CCNY: variants seen among roughly 807,000 people sequenced by gnomAD.
CCNY encodes the protein cyclin Y, also known as cyclin-Y.
Under a neutral mutation model 42.8 loss-of-function variants are expected in CCNY, and 19 were observed. That is an observed-to-expected ratio of 0.44 (90% CI 0.31 to 0.65). The LOEUF (loss-of-function observed/expected upper bound fraction) is 0.65, where lower values mean the gene tolerates loss of function less well. CCNY is among the 30% of genes least tolerant of loss of function. The pLI, the probability that CCNY is intolerant of heterozygous loss-of-function variation, is 0.07. For missense variants in CCNY, 370 were observed against 437.3 expected, an observed-to-expected ratio of 0.85 and a Z score of 1.37; for synonymous variants, 165 against 162.7, an observed-to-expected ratio of 1.01 and a Z score of -0.11.
intron 1 of CCNY, among the ~76,000 whole-genome samples, chr10:35,449,012 G>A (rs942981577): frequency 6.6e-6 from 1 of 151,952 alleles, no homozygotes; most frequent in African/African-American, 2.4e-5. Context: ...GCCTTGAAGG[G>A]TGGAGTTGCT....
intron 1 of CCNY, among the ~76,000 whole-genome samples, chr10:35,354,654 G>A (rs1305465787): frequency 1.3e-5 from 2 of 152,210 alleles, no homozygotes; most frequent in Non-Finnish European, 2.9e-5. Context: ...CATGGATTAA[G>A]ATTCTGTTCA....
intron 1 of CCNY, among the ~76,000 whole-genome samples, chr10:35,418,639 C>T (rs1838079009): frequency 6.6e-6 from 1 of 151,886 alleles, no homozygotes; most frequent in East Asian, 1.9e-4. Context: ...AGAGGGTGCT[C>T]AAGTGTAGGG....
At chr10:35,512,928 G>T (rs892000610) in intron 3 of CCNY, among the ~76,000 whole-genome samples, 5 of 152,028 alleles carry the variant, frequency 3.3e-5, no homozygotes, top group African/African-American at 1.2e-4. Context: ...ATCATCCTGC[G>T]CTTTGATCGT....
At chr10:35,261,500 A>C (rs1437868913) in intron 3 of CCNY, among the ~76,000 whole-genome samples, 1 of 151,848 alleles carries the variant, frequency 6.6e-6, no homozygotes, top group Non-Finnish European at 1.5e-5. Flanking sequence ...GGCCTCCCAA[A>C]GTGCTGAGAT....
At position 35,355,569 on chromosome 10, in the gene CCNY, T is replaced by C. The variant is rs1327132366; in HGVS notation, c.154+18362T>C. On this transcript the variant is annotated intron_variant, in intron 1 of 9. Coordinates refer to ENST00000374704, the MANE Select transcript of CCNY (RefSeq NM_145012.6). Reference sequence around the variant, plus strand: ...AGCGCATGCCTGTAGTCCCAGCTACTCGGGAGGCTGAGGCAGAAGAATCGC... The same window carrying C: ...AGCGCATGCCTGTAGTCCCAGCTACCCGGGAGGCTGAGGCAGAAGAATCGC... 4.0e-5 allele frequency among the ~76,000 whole-genome samples: 6 copies of C among 148,228 alleles called. No individual in the cohort carries two copies. The East Asian group carries it at 1.2e-3, about 30-fold the overall frequency.
At chr10:35,392,575 G>A (rs964554303) in intron 1 of CCNY, among the ~76,000 whole-genome samples, 1 of 152,196 alleles carries the variant, frequency 6.6e-6, no homozygotes, top group Non-Finnish European at 1.5e-5. Context: ...TTGACAGATG[G>A]CCAGATGGCA....
intron 4 of CCNY, 38 bp downstream of exon 4, chr10:35,516,661 CTTTTTTTTTTTT>C (rs35268084): frequency 1.3e-4 from 41 of 327,596 alleles, no homozygotes; most frequent in African/African-American, 5.9e-4. Flanking sequence ...TCCTTCCTTC[CTTTTTTTTTTTT>C]TTTTTTTTTT....
intron 2 of CCNY, among the ~76,000 whole-genome samples, chr10:35,493,311 G>T (rs564960943): frequency 5.3e-4 from 81 of 152,274 alleles, no homozygotes; most frequent in African/African-American, 1.9e-3. Flanking sequence ...AGGCTGGGGG[G>T]AGTTTGATGC....
At chr10:35,426,185 A>G (rs1159025514) in intron 1 of CCNY, among the ~76,000 whole-genome samples, 1 of 150,614 alleles carries the variant, frequency 6.6e-6, no homozygotes, top group Non-Finnish European at 1.5e-5. Context: ...TCATTCACAC[A>G]CAGGCACATG....
At chr10:35,277,864 C>T (rs978753419) in intron 3 of CCNY, among the ~76,000 whole-genome samples, 4 of 152,114 alleles carry the variant, frequency 2.6e-5, no homozygotes, top group African/African-American at 4.8e-5. Flanking sequence ...CCCAATTGGC[C>T]CTTTCCCATT....
At chr10:35,461,188 A>G (rs1393943892) in intron 1 of CCNY, among the ~76,000 whole-genome samples, 1 of 152,210 alleles carries the variant, frequency 6.6e-6, no homozygotes, top group Non-Finnish European at 1.5e-5. Context: ...AGAGAAAATT[A>G]TTCCATGAGT....
chr10:35,431,506 G>GGA (rs1267599261), intron 1 of CCNY, among the ~76,000 whole-genome samples: 1 of 145,616 alleles, frequency 6.9e-6, no homozygotes, highest in Non-Finnish European at 1.5e-5. Context: ...TGGTGGTGGG[G>GGA]GAGAGAGAGA....
intron 1 of CCNY, among the ~76,000 whole-genome samples, chr10:35,404,695 G>A (rs1057398322): frequency 2.7e-4 from 41 of 152,254 alleles, no homozygotes; most frequent in Admixed American, 9.8e-4. Flanking sequence ...ATCCAAACAT[G>A]CCCAGGAAGG....
chr10:35,353,538 T>C (rs1289879288), intron 1 of CCNY, among the ~76,000 whole-genome samples: 1 of 152,176 alleles, frequency 6.6e-6, no homozygotes, highest in Non-Finnish European at 1.5e-5. Context: ...AAGGACCTCA[T>C]ACTGTAGGAG....
At chr10:35,394,508 GTTGA>G (rs1169098615) in intron 1 of CCNY, among the ~76,000 whole-genome samples, 1 of 152,180 alleles carries the variant, frequency 6.6e-6, no homozygotes, top group Admixed American at 6.5e-5. Flanking sequence ...GGGGGGTTAG[GTTGA>G]TTGGCTTAAG....
Position 35,325,976 on chromosome 10 carries a change from T to C in CCNY, c.-9+75350T>C, listed in dbSNP as rs528675386. 2.0e-5 allele frequency among the ~76,000 whole-genome samples: 3 copies of C among 152,066 alleles called. No homozygotes were observed. The South Asian group carries it at 6.2e-4, about 32-fold the overall frequency. On this transcript the variant is annotated intron_variant, in intron 3 of 11. Transcript: ENST00000374706. ...TGGTCCCAAATACTTGGGAGGAGGCTGAGGTAGGAGGATCGCTTGAGCCCA... is the reference window on the plus strand; with the variant it reads ...TGGTCCCAAATACTTGGGAGGAGGCCGAGGTAGGAGGATCGCTTGAGCCCA...
chr10:35,352,649 T>G (rs1168105952), intron 1 of CCNY, among the ~76,000 whole-genome samples: 1 of 152,240 alleles, frequency 6.6e-6, no homozygotes, highest in Non-Finnish European at 1.5e-5. Context: ...CAACGTTATT[T>G]GGACCTTGCG....
rs1841571933 is a variant in CCNY at position 35,566,354 on chromosome 10, T to C, written c.909+169T>C. ...GTTGATTATGATTTGTTCTGCTTCT[T>C]TTTTCTTTGAGACGGAGTCTCGCTC... On this transcript the variant is annotated intron_variant, in intron 9 of 9. Coordinates refer to ENST00000374704, the MANE Select transcript of CCNY (RefSeq NM_145012.6). 4.1e-6 allele frequency: 3 copies of C among 737,990 alleles called. No individual in the cohort carries two copies. The Admixed American group carries it at 1.0e-4, about 25-fold the overall frequency. 45.7% of individuals were successfully genotyped at this position (737,990 alleles called of 1,614,324 possible). A position where few individuals can be genotyped will look rare whatever the true frequency, so the allele number is the denominator to read the frequency against.
intron 3 of CCNY, among the ~76,000 whole-genome samples, chr10:35,323,092 A>T (rs1346173505): frequency 6.6e-6 from 1 of 151,732 alleles, no homozygotes; most frequent in East Asian, 1.9e-4. Flanking sequence ...TGCGTGGCAA[A>T]TTTTTTTTGT....
Sources: allele counts gnomAD v4.1 joint callset (sites outside exome capture counted in the v4.1 genomes callset), GRCh38; gene constraint gnomAD v4.1.1; transcripts MANE v1.5; gene names NCBI Gene and HGNC (gene_info 2026-07-23, HGNC 2026-07-21).